The following STARD9 variants were observed in gnomAD, a reference collection of about 807,000 sequenced individuals.
STARD9 encodes the protein StAR related lipid transfer domain containing 9.
STARD9 carries 346 observed loss-of-function variants against 399.8 expected under a neutral mutation model. The ratio of observed to expected loss-of-function variants is 0.87; its 90% CI spans 0.79 to 0.95. STARD9 has a LOEUF of 0.95. STARD9 is among the 40% of genes least tolerant of loss of function. The probability of loss-of-function intolerance (pLI) is 0.00; values close to 1 mark genes in which losing one functional copy is unlikely to be tolerated. For synonymous variants in STARD9, 2,203 were observed against 2,143.5 expected (o/e 1.03, Z -0.77); for missense variants, 5,832 against 5,667.5 (o/e 1.03, Z -0.93).
chr15:42,712,220 A>G (rs1240809407), intron 26 of STARD9, among the ~76,000 whole-genome samples: 1 of 141,636 alleles, frequency 7.1e-6, no homozygotes, highest in African/African-American at 2.6e-5. Flanking sequence ...TGTCTTTTTA[A>G]GAGTCCCTTA....
At chr15:42,620,479 C>CA (rs764763187) in intron 3 of STARD9, among the ~76,000 whole-genome samples, 3,168 of 142,934 alleles carry the variant, frequency 0.022, 51 homozygotes, top group East Asian at 0.06. Flanking sequence ...AGACCTGTCT[C>CA]AAAAAAAAAA....
chr15:42,627,450 A>T (rs754773486), intron 3 of STARD9, among the ~76,000 whole-genome samples: 2 of 152,214 alleles, frequency 1.3e-5, no homozygotes, highest in Non-Finnish European at 1.5e-5. Context: ...TGTTACAAAC[A>T]TTCCCGTTAT....
rs1357475741 is a variant in STARD9, at chr15:42,674,905, G to C, written c.1628G>C (p.Arg543Pro). Residue 543 changes from arginine to proline, a missense_variant, in exon 18 of 33, where the codon CGT becomes CCT. Around this residue, in one of 2 missense-constraint regions of STARD9, gnomAD observed 5,828 missense variants for 5,651.1 expected, o/e 1.03. Coordinates refer to ENST00000290607, the MANE Select transcript of STARD9 (RefSeq NM_020759.3). ...GGTGTAGTTGTTCTACGACCTGCCC[G>C]TGGGGCCCGCTGTACAGTCAATGGC... ...ACGVVVLRPARGARCTVNGRE... is the reference protein window; with the variant it reads ...ACGVVVLRPAPGARCTVNGRE... 8 of 1,536,930 alleles carry C rather than the reference G, an allele frequency of 5.2e-6. No individual in the cohort carries two copies. In the African/African-American group the frequency reaches 9.6e-5, roughly 18 times the overall value.
rs570858258 is a variant in STARD9, at chr15:42,715,809, A to C, written c.13285-868A>C. Reference sequence around the variant, plus strand: ...AGGCATGAGCCACCGCCCGGCCCCCAAATTTTTTTTTAAAATTAGCCAAGT... The same window carrying C: ...AGGCATGAGCCACCGCCCGGCCCCCCAATTTTTTTTTAAAATTAGCCAAGT... On this transcript the variant is annotated intron_variant, in intron 26 of 32. Transcript: ENST00000290607. Among the ~76,000 whole-genome samples the C allele has an allele frequency of 3.9e-3, 598 of 152,202 alleles. 2 individuals carry two copies. The highest frequency in any genetic ancestry group is 0.014 in the African/African-American group (567 of 41,520).
At chr15:42,579,233 G>A (rs1035392984) in intron 1 of STARD9, among the ~76,000 whole-genome samples, 8 of 152,116 alleles carry the variant, frequency 5.3e-5, no homozygotes, top group Admixed American at 1.3e-4. Flanking sequence ...CAGAATGGTC[G>A]TTTTACAAAC....
intron 9 of STARD9, among the ~76,000 whole-genome samples, chr15:42,659,587 C>T (rs915972012): frequency 2.0e-5 from 3 of 152,150 alleles, no homozygotes; most frequent in East Asian, 1.9e-4. Context: ...GGGGCAGTGG[C>T]GCGATCTTGG....
chr15:42,637,849 G>C (rs991210015), intron 4 of STARD9, 58 bp from the exon 5 acceptor site: 3 of 1,517,126 alleles, frequency 2.0e-6, no homozygotes, highest in East Asian at 4.9e-5. Flanking sequence ...TGGGTATTCT[G>C]TGGGGGAGAG....
At chr15:42,717,438 C>T (rs1292785998) in intron 28 of STARD9, among the ~76,000 whole-genome samples, 1 of 151,920 alleles carries the variant, frequency 6.6e-6, no homozygotes, top group Non-Finnish European at 1.5e-5. Flanking sequence ...GCCTGGGCAA[C>T]ATGGTGAGAC....
chr15:42,684,493 C>T lies in STARD9; in HGVS notation c.2915C>T (p.Thr972Ile), dbSNP rs1283178350. The T allele has an allele frequency of 2.1e-5, 33 of 1,537,082 alleles. No individual in the cohort carries two copies. Among genetic ancestry groups the T allele is most frequent in the South Asian group, 2.4e-5 (2 of 84,060 alleles). The change falls in exon 23 of 33, where the codon ACC (threonine) becomes ATC (isoleucine). Residue 972 changes from threonine (T) to isoleucine (I), a missense_variant. By Grantham distance (89) the Thr-to-Ile change is moderately conservative (BLOSUM62 -1). Transcript: ENST00000290607. ...GAGCCAAAGATCTTCACCTCTACTA[C>T]CCAGACCAGAGGGGCGAAGGGACTA... is the stretch of plus-strand genomic sequence containing the variant. ...RHEPKIFTSTTQTRGAKGLAD... is the reference protein window; with the variant it reads ...RHEPKIFTSTIQTRGAKGLAD...
intron 3 of STARD9, among the ~76,000 whole-genome samples, chr15:42,627,156 C>G (rs895471092): frequency 4.6e-5 from 7 of 152,014 alleles, no homozygotes; most frequent in African/African-American, 1.7e-4. Flanking sequence ...ATTAGCTGGG[C>G]ATGGGGACAT....
At chr15:42,575,911 C>G in intron 1 of STARD9, 149 bp downstream of exon 1, 1 of 894,882 alleles carries the variant, frequency 1.1e-6, no homozygotes, top group Admixed American at 2.1e-5. Flanking sequence ...GGAGGCCTGG[C>G]GGGACGGGAC....
rs1301444226 is a variant in STARD9, at chr15:42,720,882, G to C, written c.*1308G>C. On this transcript the variant is annotated 3_prime_UTR_variant, in exon 33 of 33. Transcript: ENST00000290607. The stretch of plus-strand genomic sequence containing the variant: ...CTATTTCTCGGGTAAATTTTTTGGT[G>C]ACATGATATATTTAACACCCTATTT... 6.6e-6 allele frequency: 1 copy of C among 152,000 alleles called. No individual in the cohort carries two copies. The highest frequency in any genetic ancestry group is 1.5e-5 in the Non-Finnish European group (1 of 67,992). The allele number at this position is 152,000 out of a possible 1,614,324, so 9.4% of individuals were successfully genotyped here.
At chr15:42,667,059 C>A (rs1014648290) in intron 15 of STARD9, among the ~76,000 whole-genome samples, 1 of 152,220 alleles carries the variant, frequency 6.6e-6, no homozygotes, top group African/African-American at 2.4e-5. Context: ...AGGTAATCCA[C>A]CCGCCTTGGC....
intron 7 of STARD9, among the ~76,000 whole-genome samples, chr15:42,645,957 C>T (rs961750375): frequency 2.8e-4 from 42 of 151,816 alleles, no homozygotes; most frequent in African/African-American, 9.4e-4. Flanking sequence ...GTCAGGAGTT[C>T]GAGACCAGCC....
intron 9 of STARD9, among the ~76,000 whole-genome samples, chr15:42,658,288 GGTGTGT>G (rs56286330): frequency 0.046 from 6,764 of 145,890 alleles, 424 homozygotes; most frequent in African/African-American, 0.15. Context: ...GGGACTTACA[GGTGTGT>G]GTGTGTGTGT....
chr15:42,678,699 G>A (rs1018588378), intron 20 of STARD9, among the ~76,000 whole-genome samples: 1 of 152,176 alleles, frequency 6.6e-6, no homozygotes, highest in Non-Finnish European at 1.5e-5. Context: ...GTCCTCACAA[G>A]CAGGTGTCTA....
Position 42,686,295 on chromosome 15 carries a change from G to A in STARD9, c.4717G>A (p.Val1573Ile). 6.5e-7 allele frequency: 1 copy of A among 1,537,602 alleles called. No homozygotes were observed. Among genetic ancestry groups the A allele is most frequent in the South Asian group, 1.2e-5 (1 of 84,064 alleles). Reference sequence around the variant, plus strand: ...CAGTTTAAATGCCAAATTAGAAGGTGTTTCAGATTTCTTTAGCACTAGTGA... The same window carrying A: ...CAGTTTAAATGCCAAATTAGAAGGTATTTCAGATTTCTTTAGCACTAGTGA... Reference protein sequence around the residue: ...QDSLNAKLEGVSDFFSTSEKE... With the variant: ...QDSLNAKLEGISDFFSTSEKE... Residue 1573 changes from valine to isoleucine, a missense_variant, in exon 23 of 33, where the codon GTT becomes ATT. Coordinates refer to ENST00000290607, the MANE Select transcript of STARD9 (RefSeq NM_020759.3).
rs1466247477 is a variant in STARD9 at position 42,692,661 on chromosome 15, C to T, written c.11083C>T (p.Leu3695Phe). The change falls in exon 23 of 33, where the codon CTT becomes TTT. Residue 3695 changes from leucine (L) to phenylalanine (F), a missense_variant. Transcript: ENST00000290607. ...GCTCCTGCACAGTACCTCAGAGCTG[C>T]TTGGGAGTCTCTCCCAGCCAGATGT... ...SQLLHSTSELLGSLSQPDVAR... is the reference protein window; with the variant it reads ...SQLLHSTSELFGSLSQPDVAR... 4 of 1,537,110 alleles carry T rather than the reference C, an allele frequency of 2.6e-6. No individual in the cohort carries two copies. The highest frequency in any genetic ancestry group is 2.7e-5 in the African/African-American group (2 of 73,040).
chr15:42,615,286 G>A (rs2141829238), intron 3 of STARD9, among the ~76,000 whole-genome samples: 1 of 152,244 alleles, frequency 6.6e-6, no homozygotes, highest in African/African-American at 2.4e-5. Flanking sequence ...TGGGATTACA[G>A]GCATGAGCCA....
Sources: gnomAD v4.1 joint callset for allele counts (sites outside exome capture counted in the v4.1 genomes callset) on GRCh38, gnomAD v4.1.1 for gene constraint, gnomAD v4.1.1 regional missense constraint, MANE v1.5 for transcripts, NCBI Gene and HGNC (gene_info 2026-07-23, HGNC 2026-07-21) for gene names.